HPSE2: variants seen among roughly 807,000 people sequenced by gnomAD.
The protein encoded by HPSE2 is heparanase 2 (inactive).
In HPSE2, 38 loss-of-function variants were observed where a neutral mutation model predicts 60.5. The observed-to-expected ratio is 0.63, with a 90% CI of 0.48 to 0.82. The LOEUF (loss-of-function observed/expected upper bound fraction) is 0.82, where lower values mean the gene tolerates loss of function less well. Among genes scored for constraint, HPSE2 ranks in the 40% least tolerant of loss-of-function variants. The pLI, the probability that HPSE2 is intolerant of heterozygous loss-of-function variation, is 0.00. For missense variants in HPSE2, 713 were observed against 740.4 expected, an observed-to-expected ratio of 0.96 and a Z score of 0.43; for synonymous variants, 295 against 293.2, an observed-to-expected ratio of 1.01 and a Z score of -0.06.
chr10:98,821,991 A>T (rs1275050694), intron 3 of HPSE2, among the ~76,000 whole-genome samples: 1 of 152,192 alleles, frequency 6.6e-6, no homozygotes, highest in Non-Finnish European at 1.5e-5. Flanking sequence ...GCTGATAACA[A>T]TTGCATTTTT....
intron 3 of HPSE2, among the ~76,000 whole-genome samples, chr10:99,053,571 C>T (rs191152835): frequency 1.3e-5 from 2 of 152,090 alleles, no homozygotes; most frequent in Admixed American, 1.3e-4. Flanking sequence ...CAACTATAAA[C>T]TTGAACAAAA....
At chr10:98,963,023 CT>C in intron 3 of HPSE2, among the ~76,000 whole-genome samples, 1 of 152,152 alleles carries the variant, frequency 6.6e-6, no homozygotes, top group Non-Finnish European at 1.5e-5. Flanking sequence ...GAATTGAAAA[CT>C]TGATTCACCT....
At chr10:99,116,546 T>C (rs1012327241) in intron 3 of HPSE2, among the ~76,000 whole-genome samples, 3 of 152,148 alleles carry the variant, frequency 2.0e-5, no homozygotes, top group Non-Finnish European at 4.4e-5. Flanking sequence ...CTGACAATTA[T>C]ACAGTTGAAA....
intron 3 of HPSE2, among the ~76,000 whole-genome samples, chr10:98,843,377 G>C (rs779657265): frequency 9.9e-5 from 15 of 152,180 alleles, no homozygotes; most frequent in East Asian, 9.6e-4. Context: ...TTCTAGATTG[G>C]GGTATACAGG....
intron 3 of HPSE2, among the ~76,000 whole-genome samples, chr10:98,924,912 C>G (rs1172242851): frequency 1.3e-5 from 2 of 152,192 alleles, no homozygotes; most frequent in Non-Finnish European, 2.9e-5. Context: ...TGGGTGACCC[C>G]CCTCTGGCTA....
intron 2 of HPSE2, among the ~76,000 whole-genome samples, chr10:99,165,313 T>C (rs1847032720): frequency 6.6e-6 from 1 of 151,936 alleles, no homozygotes; most frequent in Non-Finnish European, 1.5e-5. Context: ...CCTTACAGTG[T>C]CTATTCAAAA....
chr10:98,960,321 A>T (rs1394661418), intron 3 of HPSE2, among the ~76,000 whole-genome samples: 4 of 152,164 alleles, frequency 2.6e-5, no homozygotes, highest in African/African-American at 9.7e-5. Flanking sequence ...TACTACCTAG[A>T]TAGAATTTAA....
chr10:99,284,532 T>C, the HPSE2 span, among the ~76,000 whole-genome samples: 89 of 152,296 alleles, frequency 5.8e-4, no homozygotes, highest in African/African-American at 1.9e-3. Context: ...TAAAAGTTTC[T>C]TAATCTTAGA....
intron 6 of HPSE2, among the ~76,000 whole-genome samples, chr10:98,676,919 CTT>C (rs11299882): frequency 2.8e-5 from 4 of 145,010 alleles, no homozygotes; most frequent in Non-Finnish European, 3.1e-5. Flanking sequence ...CATTTTCTCT[CTT>C]TTTTTTTTTC....
chr10:98,766,026 T>G (rs1178961518), intron 3 of HPSE2, among the ~76,000 whole-genome samples: 1 of 151,938 alleles, frequency 6.6e-6, no homozygotes, highest in Non-Finnish European at 1.5e-5. Flanking sequence ...GTAAAATTGA[T>G]AAAACTCTAA....
intron 2 of HPSE2, among the ~76,000 whole-genome samples, chr10:99,166,467 T>C (rs894061541): frequency 6.6e-6 from 1 of 152,218 alleles, no homozygotes; most frequent in Non-Finnish European, 1.5e-5. Flanking sequence ...TCAACAATAA[T>C]TGGTATTTTC....
At chr10:98,514,884 A>AT (rs1031125214) in intron 9 of HPSE2, among the ~76,000 whole-genome samples, 735 of 143,488 alleles carry the variant, frequency 5.1e-3, no homozygotes, top group Non-Finnish European at 7.4e-3. Flanking sequence ...ACACCCGGCT[A>AT]TTTTTTTTTT....
chr10:98,674,238 A>C (rs1334694180), intron 6 of HPSE2, among the ~76,000 whole-genome samples: 1 of 152,266 alleles, frequency 6.6e-6, no homozygotes, highest in Non-Finnish European at 1.5e-5. Flanking sequence ...ATGTGCATGC[A>C]AGAACTTCTA....
At chr10:99,097,773 A>G (rs1045242509) in intron 3 of HPSE2, among the ~76,000 whole-genome samples, 2 of 152,236 alleles carry the variant, frequency 1.3e-5, no homozygotes, top group Admixed American at 6.5e-5. Flanking sequence ...CGAACTAGAT[A>G]GAAATTATCT....
intron 3 of HPSE2, among the ~76,000 whole-genome samples, chr10:98,773,810 T>G (rs1305942309): frequency 1.3e-5 from 2 of 152,198 alleles, no homozygotes; most frequent in Non-Finnish European, 2.9e-5. Context: ...GCTCATGCCT[T>G]TGGGAGGCTA....
At chr10:98,795,251 T>C (rs537958192) in intron 3 of HPSE2, among the ~76,000 whole-genome samples, 4 of 152,304 alleles carry the variant, frequency 2.6e-5, no homozygotes, top group East Asian at 1.9e-4. Flanking sequence ...TTTAACTTCA[T>C]ATAACTGAAA....
At chr10:98,838,362 G>T (rs1223330075) in intron 3 of HPSE2, among the ~76,000 whole-genome samples, 1 of 152,056 alleles carries the variant, frequency 6.6e-6, no homozygotes, top group Non-Finnish European at 1.5e-5. Context: ...TGTACAGAGA[G>T]CCTGGCACAT....
chr10:99,050,036 G>A (rs959143453), intron 3 of HPSE2, among the ~76,000 whole-genome samples: 1 of 152,130 alleles, frequency 6.6e-6, no homozygotes, highest in Non-Finnish European at 1.5e-5. Context: ...CAGTGGCTGA[G>A]GCCTATAATT....
intron 2 of HPSE2, among the ~76,000 whole-genome samples, chr10:99,231,698 G>GA (rs58267765): frequency 0.05 from 7,231 of 144,130 alleles, 560 homozygotes; most frequent in African/African-American, 0.17. Flanking sequence ...TTTTAAAACA[G>GA]AAAAAAAAAA....
Sources: gnomAD v4.1 joint callset for allele counts (sites outside exome capture counted in the v4.1 genomes callset) on GRCh38, gnomAD v4.1.1 for gene constraint, MANE v1.5 for transcripts, NCBI Gene and HGNC (gene_info 2026-07-23, HGNC 2026-07-21) for gene names.